The following SLC4A10 variants were observed in gnomAD, a reference collection of about 807,000 sequenced individuals.
SLC4A10 encodes the protein solute carrier family 4 member 10, also known as sodium-driven chloride bicarbonate exchanger.
Under a neutral mutation model 137.7 loss-of-function variants are expected in SLC4A10, and 42 were observed. The ratio of observed to expected loss-of-function variants is 0.30; its 90% confidence interval spans 0.24 to 0.39. SLC4A10 has a LOEUF of 0.39. Ranked by LOEUF, SLC4A10 falls within the 10% of genes least tolerant of loss-of-function variation. The pLI, the probability that SLC4A10 is intolerant of heterozygous loss-of-function variation, is 1.00. For synonymous variants in SLC4A10, 474 were observed against 464.1 expected (o/e 1.02, Z -0.27); for missense variants, 925 against 1,355.0 (o/e 0.68, Z 4.98).
intron 19 of SLC4A10, among the ~76,000 whole-genome samples, chr2:161,955,098 AG>A (rs1394648966): frequency 6.6e-6 from 1 of 152,126 alleles, no homozygotes; most frequent in Non-Finnish European, 1.5e-5. Flanking sequence ...AATAGCTCCA[AG>A]GGGGCACCAT....
chr2:161,666,140 G>C (rs1424036470), intron 1 of SLC4A10, among the ~76,000 whole-genome samples: 3 of 151,212 alleles, frequency 2.0e-5, no homozygotes, highest in African/African-American at 7.3e-5. Context: ...ATACATTTTT[G>C]ATATAGGCCA....
intron 2 of SLC4A10, among the ~76,000 whole-genome samples, chr2:161,792,382 T>G (rs2054295769): frequency 6.6e-6 from 1 of 152,138 alleles, no homozygotes; most frequent in Non-Finnish European, 1.5e-5. Flanking sequence ...ATGACCAAAG[T>G]CTCTTAATAT....
chr2:161,717,086 T>C (rs1000339920), intron 1 of SLC4A10, among the ~76,000 whole-genome samples: 3 of 152,190 alleles, frequency 2.0e-5, no homozygotes, highest in African/African-American at 7.2e-5. Context: ...ATTCATGATT[T>C]GGCTTTATGC....
chr2:161,729,211 G>A (rs1308954678), intron 1 of SLC4A10, among the ~76,000 whole-genome samples: 1 of 151,822 alleles, frequency 6.6e-6, no homozygotes, highest in Non-Finnish European at 1.5e-5. Flanking sequence ...GGCAAGGCAA[G>A]GAAAGAAAAA....
At chr2:161,713,564 G>A (rs1405069141) in intron 1 of SLC4A10, among the ~76,000 whole-genome samples, 1 of 151,752 alleles carries the variant, frequency 6.6e-6, no homozygotes. Flanking sequence ...TTATTGGTAC[G>A]TAATCTGATT....
At chr2:161,806,220 T>G (rs902497959) in intron 3 of SLC4A10, among the ~76,000 whole-genome samples, 2 of 152,078 alleles carry the variant, frequency 1.3e-5, no homozygotes, top group African/African-American at 4.8e-5. Flanking sequence ...GGGTACCCTG[T>G]GCCTGACTGA....
chr2:161,725,312 CT>C (rs1310118496), intron 1 of SLC4A10, among the ~76,000 whole-genome samples: 1 of 152,122 alleles, frequency 6.6e-6, no homozygotes, highest in Admixed American at 6.5e-5. Flanking sequence ...TCCTGGGAAA[CT>C]TTTTTCACCT....
intron 1 of SLC4A10, among the ~76,000 whole-genome samples, chr2:161,657,707 TAGGG>T (rs2037742458): frequency 6.6e-6 from 1 of 152,030 alleles, no homozygotes; most frequent in South Asian, 2.1e-4. Context: ...ATTGTTAACA[TAGGG>T]AGAAAATAAA....
chr2:161,697,786 C>A (rs190548876), intron 1 of SLC4A10, among the ~76,000 whole-genome samples: 10 of 152,104 alleles, frequency 6.6e-5, no homozygotes, highest in Non-Finnish European at 1.2e-4. Flanking sequence ...CTTGGTGATG[C>A]GGACTCTTTT....
At chr2:161,885,262 T>C (rs2062164665) in intron 10 of SLC4A10, among the ~76,000 whole-genome samples, 2 of 147,280 alleles carry the variant, frequency 1.4e-5, no homozygotes, top group Admixed American at 7.0e-5. Flanking sequence ...GAATTTAATA[T>C]GTTGATTCAT....
intron 1 of SLC4A10, among the ~76,000 whole-genome samples, chr2:161,748,892 T>G (rs2048661644): frequency 6.6e-6 from 1 of 152,140 alleles, no homozygotes; most frequent in Admixed American, 6.6e-5. Context: ...TTAAGAATAT[T>G]AATGTTTCCA....
intron 1 of SLC4A10, among the ~76,000 whole-genome samples, chr2:161,666,070 C>A (rs916247405): frequency 6.7e-6 from 1 of 150,360 alleles, no homozygotes; most frequent in African/African-American, 2.4e-5. Flanking sequence ...CATATATATT[C>A]TCAGGTATTT....
intron 3 of SLC4A10, among the ~76,000 whole-genome samples, chr2:161,826,606 G>C (rs1472502623): frequency 6.6e-6 from 1 of 152,146 alleles, no homozygotes; most frequent in Non-Finnish European, 1.5e-5. Context: ...TAGTATGTGA[G>C]TTATTAAGGC....
At chr2:161,720,676 T>A (rs1472919704) in intron 1 of SLC4A10, among the ~76,000 whole-genome samples, 1 of 152,182 alleles carries the variant, frequency 6.6e-6, no homozygotes, top group African/African-American at 2.4e-5. Flanking sequence ...TTAAAGTCTC[T>A]TTTGTCAGAA....
chr2:161,910,497 T>A (rs1380738400), intron 15 of SLC4A10, among the ~76,000 whole-genome samples: 1 of 152,138 alleles, frequency 6.6e-6, no homozygotes, highest in Non-Finnish European at 1.5e-5. Context: ...TTGTATAAGA[T>A]GAAATGTTTC....
chr2:161,897,433 T>C (rs1213984627), intron 11 of SLC4A10, among the ~76,000 whole-genome samples: 1 of 152,106 alleles, frequency 6.6e-6, no homozygotes, highest in Non-Finnish European at 1.5e-5. Context: ...GATGGTCTAA[T>C]TGACCCAGCC....
intron 1 of SLC4A10, among the ~76,000 whole-genome samples, chr2:161,645,175 T>A (rs2105520820): frequency 6.6e-6 from 1 of 152,218 alleles, no homozygotes; most frequent in South Asian, 2.1e-4. Context: ...GGTGTGAACA[T>A]CCTACTTTAT....
At chr2:161,966,962 C>T (rs1221880434) in intron 23 of SLC4A10, among the ~76,000 whole-genome samples, 1 of 152,074 alleles carries the variant, frequency 6.6e-6, no homozygotes, top group East Asian at 1.9e-4. Context: ...AAACACAACA[C>T]CCAAGAAGGT....
At chr2:161,659,090 AG>A (rs1370037888) in intron 1 of SLC4A10, among the ~76,000 whole-genome samples, 1 of 152,202 alleles carries the variant, frequency 6.6e-6, no homozygotes. Context: ...TATATAAAAA[AG>A]GTACCTTCAT....
Sources: gnomAD v4.1 joint callset for allele counts (sites outside exome capture counted in the v4.1 genomes callset) on GRCh38, gnomAD v4.1.1 for gene constraint, MANE v1.5 for transcripts, NCBI Gene and HGNC (gene_info 2026-07-23, HGNC 2026-07-21) for gene names.